The following RBFOX1 variants were observed in gnomAD, a reference collection of about 807,000 sequenced individuals.
The protein encoded by RBFOX1 is RNA binding fox-1 homolog 1.
RBFOX1 carries 8 observed loss-of-function variants against 57.7 expected under a neutral mutation model. The observed-to-expected ratio is 0.14, with a 90% CI of 0.08 to 0.25. The LOEUF (loss-of-function observed/expected upper bound fraction) is 0.25. Among genes scored for constraint, RBFOX1 ranks in the 10% least tolerant of loss-of-function variants. The probability of loss-of-function intolerance (pLI) is 1.00; values close to 1 mark genes in which losing one functional copy is unlikely to be tolerated. For synonymous variants in RBFOX1, 326 were observed against 222.4 expected (o/e 1.47, Z -4.15); for missense variants, 611 against 548.5 (o/e 1.11, Z -1.14).
chr16:7,385,373 C>T (rs938480466), intron 4 of RBFOX1, among the ~76,000 whole-genome samples: 1 of 151,944 alleles, frequency 6.6e-6, no homozygotes. Flanking sequence ...ATGGAAGTAC[C>T]GTTGTAGAAA....
At chr16:5,722,623 C>T (rs1430816966) in intron 3 of RBFOX1, among the ~76,000 whole-genome samples, 1 of 152,136 alleles carries the variant, frequency 6.6e-6, no homozygotes, top group African/African-American at 2.4e-5. Flanking sequence ...CCCACGGTGG[C>T]ATTAGGGTTG....
intron 11 of RBFOX1, among the ~76,000 whole-genome samples, chr16:7,646,861 C>T (rs2063835400): frequency 6.6e-6 from 1 of 152,054 alleles, no homozygotes; most frequent in Non-Finnish European, 1.5e-5. Context: ...CGAAGGTAAG[C>T]ACCATGTTCG....
At chr16:7,186,044 C>A (rs539700290) in intron 4 of RBFOX1, among the ~76,000 whole-genome samples, 113 of 152,072 alleles carry the variant, frequency 7.4e-4, no homozygotes, top group African/African-American at 2.3e-3. Context: ...ATTTGCTAAC[C>A]CTGGGAAACA....
chr16:5,598,375 C>T (rs2047256758), intron 2 of RBFOX1, among the ~76,000 whole-genome samples: 1 of 152,170 alleles, frequency 6.6e-6, no homozygotes, highest in East Asian at 1.9e-4. Flanking sequence ...TCCGGACCAG[C>T]ACTGCCTCAG....
chr16:6,926,717 G>A (rs1166037549), intron 3 of RBFOX1, among the ~76,000 whole-genome samples: 1 of 152,118 alleles, frequency 6.6e-6, no homozygotes, highest in Non-Finnish European at 1.5e-5. Flanking sequence ...CCGTTAATTC[G>A]TTCAAGAACT....
intron 1 of RBFOX1, among the ~76,000 whole-genome samples, chr16:6,142,218 C>G (rs1208326598): frequency 2.3e-5 from 2 of 85,342 alleles, no homozygotes; most frequent in South Asian, 4.0e-4. Flanking sequence ...AAAAAAAAAT[C>G]CAACTCTTTT....
intron 4 of RBFOX1, among the ~76,000 whole-genome samples, chr16:5,962,156 A>C (rs1167173608): frequency 6.6e-6 from 1 of 152,146 alleles, no homozygotes; most frequent in East Asian, 1.9e-4. Context: ...TTTTCCAGAG[A>C]TCTCACATCA....
chr16:5,373,357 G>A (rs1315298033), intron 1 of RBFOX1, among the ~76,000 whole-genome samples: 1 of 152,136 alleles, frequency 6.6e-6, no homozygotes, highest in Non-Finnish European at 1.5e-5. Context: ...CCGGTGGGAG[G>A]TGACTGGATC....
intron 1 of RBFOX1, among the ~76,000 whole-genome samples, chr16:6,195,778 G>A (rs888359298): frequency 1.3e-5 from 2 of 151,996 alleles, no homozygotes; most frequent in Non-Finnish European, 2.9e-5. Flanking sequence ...CTGAGGTCAT[G>A]GGGTGAGCAG....
chr16:7,125,650 G>C (rs550595637), intron 4 of RBFOX1, among the ~76,000 whole-genome samples: 1 of 152,246 alleles, frequency 6.6e-6, no homozygotes, highest in East Asian at 1.9e-4. Context: ...TACAGAGGAA[G>C]CTGAGGAACA....
chr16:6,768,651 A>T (rs28485122), intron 3 of RBFOX1, among the ~76,000 whole-genome samples: 17,392 of 151,250 alleles, frequency 0.11, 1,209 homozygotes, highest in African/African-American at 0.19. Flanking sequence ...TATATTCATT[A>T]GTATGCGTAT....
intron 1 of RBFOX1, among the ~76,000 whole-genome samples, chr16:6,123,052 A>C (rs956319007): frequency 2.0e-5 from 3 of 152,184 alleles, no homozygotes; most frequent in African/African-American, 7.2e-5. Context: ...AAATCTTTGC[A>C]TAACTTAGGG....
At chr16:5,670,003 T>C (rs1482977032) in intron 3 of RBFOX1, among the ~76,000 whole-genome samples, 1 of 152,138 alleles carries the variant, frequency 6.6e-6, no homozygotes, top group African/African-American at 2.4e-5. Flanking sequence ...TTTTTATCCA[T>C]AAAAAGATAT....
chr16:7,688,260 T>TGTGTGAGA (rs1319185243), intron 14 of RBFOX1, among the ~76,000 whole-genome samples: 5 of 125,296 alleles, frequency 4.0e-5, no homozygotes, highest in African/African-American at 1.2e-4. Flanking sequence ...TGTGTGTGTG[T>TGTGTGAGA]GAGAGAGAGA....
rs201245839 is a variant in RBFOX1 at position 6,448,790 on chromosome 16, C to T, written c.-64+131733C>T. On this transcript the variant is annotated intron_variant, in intron 2 of 15. Coordinates refer to ENST00000550418, the MANE Select transcript of RBFOX1 (RefSeq NM_018723.4). ...AGTATTTTTTTGTGCCTTCAGCCAC[C>T]TTATCCTATTAAACATTTTCCAAAT... is the stretch of plus-strand genomic sequence containing the variant. Among the ~76,000 whole-genome samples the T allele has an allele frequency of 2.1e-3, 318 of 152,230 alleles. 2 individuals carry two copies. The highest frequency in any genetic ancestry group is 3.9e-3 in the Non-Finnish European group (263 of 68,014).
rs780429326 is a variant in RBFOX1 at position 5,920,978 on chromosome 16, G to A, written c.351+53643G>A. Among the ~76,000 whole-genome samples, 3 of 124,776 alleles carry A rather than the reference G, an allele frequency of 2.4e-5. No individual in the cohort carries two copies. The Admixed American group carries it at 2.6e-4, about 11-fold the overall frequency. The allele number at this position is 124,776 out of a possible 152,430, so 81.9% of individuals were successfully genotyped here. A position where few individuals can be genotyped will look rare whatever the true frequency, so the allele number is the denominator to read the frequency against. On this transcript the variant is annotated intron_variant, in intron 4 of 19. Coordinates refer to the RBFOX1 transcript ENST00000641259. ...TGAAGAATCTGTTCTCCTCTTCCCTGTGTGACGTTGAGCAGGAGACTCCAT... is the reference window on the plus strand; with the variant it reads ...TGAAGAATCTGTTCTCCTCTTCCCTATGTGACGTTGAGCAGGAGACTCCAT...
chr16:5,435,628 C>T (rs988894090), intron 1 of RBFOX1, among the ~76,000 whole-genome samples: 8 of 152,086 alleles, frequency 5.3e-5, no homozygotes, highest in South Asian at 2.1e-4. Context: ...CTAGTTCTTG[C>T]GTCACCATAG....
chr16:6,645,821 A>C (rs753120588), intron 2 of RBFOX1, among the ~76,000 whole-genome samples: 3 of 152,148 alleles, frequency 2.0e-5, no homozygotes, highest in Non-Finnish European at 2.9e-5. Context: ...GCCACAAACG[A>C]GGCAACCATG....
At chr16:6,402,866 C>G (rs1344270489) in intron 2 of RBFOX1, among the ~76,000 whole-genome samples, 2 of 152,138 alleles carry the variant, frequency 1.3e-5, no homozygotes, top group African/African-American at 2.4e-5. Flanking sequence ...TTAAGTGTAA[C>G]CGAGATGTAA....
Sources: allele counts gnomAD v4.1 joint callset (sites outside exome capture counted in the v4.1 genomes callset), GRCh38; gene constraint gnomAD v4.1.1; transcripts MANE v1.5; gene names NCBI Gene and HGNC (gene_info 2026-07-23, HGNC 2026-07-21).